Variants in HS3ST2 observed in about 807,000 individuals in gnomAD.
HS3ST2 encodes heparan sulfate glucosamine 3-O-sulfotransferase 2.
Under a neutral mutation model 26.3 loss-of-function variants are expected in HS3ST2, and 17 were observed. The observed-to-expected ratio is 0.65, with a 90% CI of 0.44 to 0.97. HS3ST2 has a LOEUF of 0.97. Ranked by LOEUF, HS3ST2 falls within the 50% of genes least tolerant of loss-of-function variation. The pLI is 0.00. For missense variants in HS3ST2, 402 were observed against 501.2 expected (o/e 0.80, Z 1.89); for synonymous variants, 237 against 219.2 (o/e 1.08, Z -0.72).
intron 1 of HS3ST2, among the ~76,000 whole-genome samples, chr16:22,855,003 T>C (rs532659975): frequency 6.6e-6 from 1 of 152,188 alleles, no homozygotes; most frequent in Non-Finnish European, 1.5e-5. Context: ...TTTAATCTCT[T>C]TTCTTCTCAA....
At chr16:22,837,171 G>A (rs1004581622) in intron 1 of HS3ST2, among the ~76,000 whole-genome samples, 2 of 149,250 alleles carry the variant, frequency 1.3e-5, no homozygotes, top group Admixed American at 6.7e-5. Context: ...AAGTCAGACT[G>A]TCCTGAGTTC....
chr16:22,862,500 T>C lies in HS3ST2; in HGVS notation c.485+47405T>C, dbSNP rs546722168. ...ACATTTCTGTTACCTGCCCGGCTCC[T>C]GCAGCATGTGAGCTTCACCCGCCCT... is the stretch of plus-strand genomic sequence containing the variant. On this transcript the variant is annotated intron_variant, in intron 1 of 1. Transcript: ENST00000261374. Among the ~76,000 whole-genome samples the C allele has an allele frequency of 8.5e-4, 129 of 152,336 alleles. 1 individual carries two copies. The highest frequency in any genetic ancestry group is 3.0e-3 in the African/African-American group (124 of 41,582).
chr16:22,893,827 G>A lies in HS3ST2; in HGVS notation c.486-21117G>A, dbSNP rs150146861. On this transcript the variant is annotated intron_variant, in intron 1 of 1. Transcript: ENST00000261374. ...TTTTTTGAAGCAGCGTCCCACTGTC[G>A]CCCAGACTGGAGTGCAGGGACACGA... Among the ~76,000 whole-genome samples, 155 of 151,806 alleles carry A rather than the reference G, an allele frequency of 1.0e-3. 2 individuals carry two copies. The highest frequency in any genetic ancestry group is 3.2e-3 in the African/African-American group (134 of 41,404).
At chr16:22,893,827 G>T in intron 1 of HS3ST2, among the ~76,000 whole-genome samples, 1 of 151,806 alleles carries the variant, frequency 6.6e-6, no homozygotes, top group East Asian at 1.9e-4. Flanking sequence ...TCCCACTGTC[G>T]CCCAGACTGG....
chr16:22,894,510 A>C (rs1263496604), intron 1 of HS3ST2, among the ~76,000 whole-genome samples: 2 of 152,136 alleles, frequency 1.3e-5, no homozygotes, highest in Admixed American at 1.3e-4. Context: ...GTTCTGTGTC[A>C]AGAACTCACT....
At chr16:22,896,102 A>G (rs1476004424) in intron 1 of HS3ST2, among the ~76,000 whole-genome samples, 1 of 151,990 alleles carries the variant, frequency 6.6e-6, no homozygotes, top group Non-Finnish European at 1.5e-5. Flanking sequence ...GCACTCCACC[A>G]TGCCTGTCTC....
intron 1 of HS3ST2, among the ~76,000 whole-genome samples, chr16:22,828,502 C>T (rs1289928852): frequency 6.6e-6 from 1 of 152,204 alleles, no homozygotes; most frequent in Non-Finnish European, 1.5e-5. Flanking sequence ...CTGAATCTCT[C>T]CGACTTTCCC....
chr16:22,857,706 C>T (rs7205890), intron 1 of HS3ST2, among the ~76,000 whole-genome samples: 63,314 of 151,652 alleles, frequency 0.42, 15,774 homozygotes, highest in African/African-American at 0.7. Flanking sequence ...ATTTTTTTTT[C>T]CTGCTGGTTT....
chr16:22,819,822 C>T (rs1442729042), intron 1 of HS3ST2, among the ~76,000 whole-genome samples: 2 of 152,212 alleles, frequency 1.3e-5, no homozygotes, highest in Non-Finnish European at 2.9e-5. Flanking sequence ...ATCACATTAT[C>T]CAGTTCATTT....
chr16:22,845,134 G>A lies in HS3ST2; in HGVS notation c.485+30039G>A, dbSNP rs750672083. 6.1e-5 allele frequency among the ~76,000 whole-genome samples: 9 copies of A among 147,862 alleles called. 1 individual carries two copies. The highest frequency in any genetic ancestry group is 4.2e-4 in the South Asian group (2 of 4,796). On this transcript the variant is annotated intron_variant, in intron 1 of 1. Transcript: ENST00000261374. ...CTCCCAAAGTGTTGGGATTACAGGC[G>A]TGAGCCACTGCGCCTGGCCTAAATC...
At chr16:22,914,850 C>A (rs1473514929) in intron 1 of HS3ST2, 94 bp from the exon 2 acceptor site, 5 of 1,306,034 alleles carry the variant, frequency 3.8e-6, no homozygotes, top group East Asian at 2.3e-5. Flanking sequence ...GAGGAGGATG[C>A]AACAGGCCCC....
chr16:22,904,762 T>A (rs1463227115), intron 1 of HS3ST2, among the ~76,000 whole-genome samples: 1 of 152,190 alleles, frequency 6.6e-6, no homozygotes, highest in Non-Finnish European at 1.5e-5. Context: ...ACAGAAATCC[T>A]GGTAAAGACT....
At chr16:22,877,987 T>C (rs565930734) in intron 1 of HS3ST2, among the ~76,000 whole-genome samples, 12 of 152,240 alleles carry the variant, frequency 7.9e-5, no homozygotes, top group Admixed American at 2.0e-4. Context: ...CACAAGACAA[T>C]GCTGGGAAGC....
rs761856464 is a variant in HS3ST2 at position 22,815,067 on chromosome 16, A to T, written c.457A>T (p.Asn153Tyr). The change falls in exon 1 of 2, where the codon AAC (asparagine) becomes TAC (tyrosine). Residue 153 changes from asparagine (N) to tyrosine (Y), a missense_variant. This residue lies in a region of HS3ST2 where 237 missense variants were observed against 346.6 expected (regional missense o/e 0.68). Coordinates refer to ENST00000261374, the MANE Select transcript of HS3ST2 (RefSeq NM_006043.2). ...CACGGAACCCCACTTCTTTGACAGG[A>T]ACTACGGCCGCGGGCTGGATTGGTA... ...LGTEPHFFDRNYGRGLDWYRS... is the reference protein window; with the variant it reads ...LGTEPHFFDRYYGRGLDWYRS... 7 of 1,612,974 alleles carry T rather than the reference A, an allele frequency of 4.3e-6. No homozygotes were observed. Among genetic ancestry groups the T allele is most frequent in the Non-Finnish European group, 5.9e-6 (7 of 1,180,026 alleles).
At chr16:22,849,266 T>A (rs1901487236) in intron 1 of HS3ST2, among the ~76,000 whole-genome samples, 2 of 152,186 alleles carry the variant, frequency 1.3e-5, no homozygotes, top group African/African-American at 4.8e-5. Context: ...CACAGATGTA[T>A]GTACTTACCT....
At chr16:22,893,817 TCCCACTGTCG>T (rs2141201797) in intron 1 of HS3ST2, among the ~76,000 whole-genome samples, 1 of 152,002 alleles carries the variant, frequency 6.6e-6, no homozygotes, top group South Asian at 2.1e-4. Flanking sequence ...TGAAGCAGCG[TCCCACTGTCG>T]CCCAGACTGG....
At position 22,915,631 on chromosome 16, in the gene HS3ST2, C is replaced by T. The variant is rs1902485560; in HGVS notation, c.*69C>T. The T allele has an allele frequency of 3.3e-6, 5 of 1,499,824 alleles. No individual in the cohort carries two copies. The highest frequency in any genetic ancestry group is 1.3e-5 in the South Asian group (1 of 75,482). 92.9% of individuals were successfully genotyped at this position (1,499,824 alleles called of 1,614,324 possible). A position where few individuals can be genotyped will look rare whatever the true frequency, so the allele number is the denominator to read the frequency against. Reference sequence around the variant, plus strand: ...CTTCCGTGAGATTTGCTCCCAGACCCTCTGATCTCCCTCCAACAAACCCTG... The same window carrying T: ...CTTCCGTGAGATTTGCTCCCAGACCTTCTGATCTCCCTCCAACAAACCCTG... On this transcript the variant is annotated 3_prime_UTR_variant, in exon 2 of 2. Transcript: ENST00000261374.
intron 1 of HS3ST2, among the ~76,000 whole-genome samples, 194 bp from the exon 2 acceptor site, chr16:22,914,736 CAAAAAAAAAAAAAA>C (rs1159639879): frequency 6.1e-4 from 22 of 35,944 alleles, no homozygotes; most frequent in African/African-American, 1.9e-3. Flanking sequence ...GACCTTGTCT[CAAAAAAAAAAAAAA>C]AAAAAAAAAA....
intron 1 of HS3ST2, among the ~76,000 whole-genome samples, chr16:22,851,291 A>C (rs1901514861): frequency 6.6e-6 from 1 of 152,166 alleles, no homozygotes; most frequent in Non-Finnish European, 1.5e-5. Context: ...ATTTATATAA[A>C]CCACCTGCAT....
Sources: gnomAD v4.1 joint callset for allele counts (sites outside exome capture counted in the v4.1 genomes callset) on GRCh38, gnomAD v4.1.1 for gene constraint, gnomAD v4.1.1 regional missense constraint, MANE v1.5 for transcripts, NCBI Gene and HGNC (gene_info 2026-07-23, HGNC 2026-07-21) for gene names.